Variants in CGNL1 observed in about 807,000 individuals in gnomAD.
CGNL1 encodes cingulin like 1.
CGNL1 carries 132 observed loss-of-function variants against 141.2 expected under a neutral mutation model. The observed-to-expected ratio is 0.93, with a 90% CI of 0.81 to 1.08. The LOEUF (loss-of-function observed/expected upper bound fraction) is 1.08. Among genes scored for constraint, CGNL1 ranks in the 50% least tolerant of loss-of-function variants. The pLI is 0.00. For synonymous variants in CGNL1, 690 were observed against 622.1 expected (o/e 1.11, Z -1.63); for missense variants, 1,870 against 1,588.6 (o/e 1.18, Z -3.01).
chr15:57,400,562 C>A (rs1308670437), intron 1 of CGNL1, among the ~76,000 whole-genome samples: 1 of 152,098 alleles, frequency 6.6e-6, no homozygotes, highest in African/African-American at 2.4e-5. Context: ...AGCTTCCATT[C>A]ACTTATTTTC....
intron 1 of CGNL1, among the ~76,000 whole-genome samples, chr15:57,409,037 TCA>T (rs59988268): frequency 0.019 from 2,757 of 141,782 alleles, 68 homozygotes; most frequent in African/African-American, 0.058. Flanking sequence ...TGAGACTCTG[TCA>T]CACACACACA....
At chr15:57,521,723 G>A (rs1197836316) in intron 10 of CGNL1, among the ~76,000 whole-genome samples, 1 of 152,152 alleles carries the variant, frequency 6.6e-6, no homozygotes, top group African/African-American at 2.4e-5. Flanking sequence ...AGGCAGCCCT[G>A]CCTGAGCCAA....
In CGNL1 at chr15:57,439,418, C is replaced by T. The variant is rs1194842334; in HGVS notation, c.1419C>T (p.Thr473=). The change falls in exon 2 of 19, where the codon ACC becomes ACT. Residue 473 remains threonine, a synonymous_variant. Transcript: ENST00000281282. ...ACATAGATGGGAAAGTTCTGGAAAC[C>T]GAAGGTAGTCAGGAAAGTACAGTGA... ...QPNIDGKVLE[T]EGSQESTVIR... 13 of 1,614,012 alleles carry T rather than the reference C, an allele frequency of 8.1e-6. No homozygotes were observed. Among genetic ancestry groups the T allele is most frequent in the Admixed American group, 3.3e-5 (2 of 59,998 alleles).
intron 6 of CGNL1, among the ~76,000 whole-genome samples, chr15:57,452,532 G>A (rs1229410698): frequency 3.3e-5 from 5 of 152,176 alleles, no homozygotes; most frequent in African/African-American, 1.2e-4. Flanking sequence ...CAAAGTTTCA[G>A]TCCTTAAAGT....
At chr15:57,506,491 A>C (rs1350737033) in intron 8 of CGNL1, among the ~76,000 whole-genome samples, 2 of 152,194 alleles carry the variant, frequency 1.3e-5, no homozygotes, top group African/African-American at 4.8e-5. Context: ...GCAAAGGCAC[A>C]ATGGAAGGCC....
chr15:57,481,787 A>G (rs1219689919), intron 8 of CGNL1, among the ~76,000 whole-genome samples: 1 of 152,168 alleles, frequency 6.6e-6, no homozygotes, highest in Non-Finnish European at 1.5e-5. Context: ...CTAGGAGTGC[A>G]ATTGCTAGGA....
At chr15:57,448,936 A>T (rs1302898932) in intron 4 of CGNL1, among the ~76,000 whole-genome samples, 1 of 152,148 alleles carries the variant, frequency 6.6e-6, no homozygotes, top group Non-Finnish European at 1.5e-5. Flanking sequence ...CAGTTAAATT[A>T]CTTACAGATT....
chr15:57,456,325 C>T (rs1330551207), intron 7 of CGNL1, among the ~76,000 whole-genome samples: 1 of 152,060 alleles, frequency 6.6e-6, no homozygotes, highest in Non-Finnish European at 1.5e-5. Flanking sequence ...GCAAGTCCTG[C>T]ATAATGGACC....
chr15:57,434,605 C>T (rs934895086), intron 1 of CGNL1, among the ~76,000 whole-genome samples: 8 of 151,882 alleles, frequency 5.3e-5, no homozygotes, highest in Non-Finnish European at 1.0e-4. Context: ...TTTCAGAATA[C>T]CAGTGATAAA....
chr15:57,430,472 C>CT lies in CGNL1; in HGVS notation c.-15-7512dup, dbSNP rs563542767. ...CATGAAGAATATAAAATACGAACCA[C>CT]TGAATTTATTAAAGTAATACAAATT... is the stretch of plus-strand genomic sequence containing the variant. On this transcript the variant is annotated intron_variant, in intron 1 of 18. Transcript: ENST00000281282. Among the ~76,000 whole-genome samples the CT allele has an allele frequency of 3.4e-3, 513 of 152,164 alleles. 2 individuals are homozygous for CT. The highest frequency in any genetic ancestry group is 4.5e-3 in the Non-Finnish European group (303 of 68,000).
intron 8 of CGNL1, among the ~76,000 whole-genome samples, chr15:57,497,216 G>T (rs2152384668): frequency 6.6e-6 from 1 of 152,278 alleles, no homozygotes; most frequent in South Asian, 2.1e-4. Context: ...TGACAGCGTT[G>T]GTCCAACAGG....
chr15:57,450,028 G>T (rs2152319543), intron 4 of CGNL1, among the ~76,000 whole-genome samples: 1 of 152,302 alleles, frequency 6.6e-6, no homozygotes, highest in East Asian at 1.9e-4. Context: ...TTCACGTACA[G>T]GTTTTTGTGT....
At chr15:57,418,442 C>G (rs1447400817) in intron 1 of CGNL1, among the ~76,000 whole-genome samples, 1 of 152,074 alleles carries the variant, frequency 6.6e-6, no homozygotes, top group Non-Finnish European at 1.5e-5. Flanking sequence ...GGTTTTTCAT[C>G]CAATTATCAT....
In CGNL1 at chr15:57,438,893, G is replaced by C. The variant is rs779200214; in HGVS notation, c.894G>C (p.Ser298=). The part of the protein sequence containing the change: ...LDGARSRRSS[S]SSTTPTSANS... ...GAGCTCGGTCCCGGAGGTCCTCCTC[G>C]TCATCCACAACTCCCACGTCAGCCA... Residue 298 remains serine (S), a synonymous_variant, in exon 2 of 19, where the codon TCG becomes TCC. Transcript: ENST00000281282. The C allele has an allele frequency of 6.2e-7, 1 of 1,614,010 alleles. No homozygotes were observed. Among genetic ancestry groups the C allele is most frequent in the African/African-American group, 1.3e-5 (1 of 74,904 alleles).
chr15:57,411,373 A>G (rs190602342), intron 1 of CGNL1, among the ~76,000 whole-genome samples: 1 of 152,168 alleles, frequency 6.6e-6, no homozygotes. Flanking sequence ...GTCCTCAGGG[A>G]ACTTGCAGTT....
rs780901189 is a variant in CGNL1 at position 57,439,602 on chromosome 15, G to A, written c.1602+1G>A. On this transcript the variant is annotated splice_donor_variant, in intron 2 of 18. Transcript: ENST00000281282. LOFTEE classifies it high-confidence loss of function. ...ATTTCCTTCGGCCTCAAATACTCAG[G>A]TAACACTAGTGCGATTCCTGTTTGG... The A allele has an allele frequency of 6.2e-7, 1 of 1,612,028 alleles. No homozygotes were observed. Among genetic ancestry groups the A allele is most frequent in the Non-Finnish European group, 8.5e-7 (1 of 1,179,316 alleles).
At chr15:57,544,447 C>T in intron 15 of CGNL1, 26 bp from the exon 16 acceptor site, 1 of 1,613,848 alleles carries the variant, frequency 6.2e-7, no homozygotes. Flanking sequence ...CACATAGCCC[C>T]TCACAGTCTC....
At chr15:57,472,523 G>A (rs2063595568) in intron 8 of CGNL1, among the ~76,000 whole-genome samples, 1 of 152,196 alleles carries the variant, frequency 6.6e-6, no homozygotes, top group Non-Finnish European at 1.5e-5. Context: ...CTCTGGGCTT[G>A]ACCAGTGAGG....
intron 8 of CGNL1, among the ~76,000 whole-genome samples, chr15:57,479,847 G>A (rs1465345442): frequency 1.3e-5 from 2 of 152,156 alleles, no homozygotes; most frequent in Non-Finnish European, 2.9e-5. Context: ...TGGAGAGGAA[G>A]CAGGGAAGCT....
Sources: gnomAD v4.1 joint callset for allele counts (sites outside exome capture counted in the v4.1 genomes callset) on GRCh38, gnomAD v4.1.1 for gene constraint, MANE v1.5 for transcripts, NCBI Gene and HGNC (gene_info 2026-07-23, HGNC 2026-07-21) for gene names.